The following HIVEP3 variants were observed in gnomAD, a reference collection of about 807,000 sequenced individuals.
HIVEP3 encodes the protein HIVEP zinc finger 3.
HIVEP3 carries 49 observed loss-of-function variants against 152.8 expected under a neutral mutation model. The ratio of observed to expected loss-of-function variants is 0.32; its 90% CI spans 0.26 to 0.41. HIVEP3 has a LOEUF of 0.41. Ranked by LOEUF, HIVEP3 falls within the 10% of genes least tolerant of loss-of-function variation. The pLI, the probability that HIVEP3 is intolerant of heterozygous loss-of-function variation, is 1.00. For synonymous variants in HIVEP3, 1,269 were observed against 1,289.0 expected, an observed-to-expected ratio of 0.98 and a Z score of 0.33; for missense variants, 2,790 against 3,103.3, an observed-to-expected ratio of 0.90 and a Z score of 2.40.
chr1:41,645,803 C>T (rs1424911518), intron 2 of HIVEP3, among the ~76,000 whole-genome samples: 1 of 152,196 alleles, frequency 6.6e-6, no homozygotes, highest in African/African-American at 2.4e-5. Context: ...TGAACCTGCC[C>T]TGCAACTGAA....
At chr1:41,896,601 G>A (rs1267030153) in intron 1 of HIVEP3, among the ~76,000 whole-genome samples, 2 of 148,600 alleles carry the variant, frequency 1.3e-5, no homozygotes, top group East Asian at 2.0e-4. Context: ...TTGAGACGGA[G>A]TGTCACTCTG....
At chr1:41,595,605 G>A (rs1042379550) in intron 3 of HIVEP3, among the ~76,000 whole-genome samples, 5 of 152,150 alleles carry the variant, frequency 3.3e-5, no homozygotes, top group South Asian at 2.1e-4. Flanking sequence ...GATTAATATC[G>A]AATGTCAACT....
At chr1:41,914,476 T>TTAGG (rs2124468204) in intron 1 of HIVEP3, among the ~76,000 whole-genome samples, 1 of 152,362 alleles carries the variant, frequency 6.6e-6, no homozygotes, top group South Asian at 2.1e-4. Context: ...TGACTTTTAG[T>TTAGG]TAGGTCCTCA....
intron 1 of HIVEP3, among the ~76,000 whole-genome samples, chr1:41,993,830 A>G (rs1645378554): frequency 1.3e-5 from 2 of 151,976 alleles, no homozygotes; most frequent in South Asian, 4.2e-4. Context: ...ATAAAAAATG[A>G]TGAGTTCATT....
chr1:41,950,409 G>A (rs1019330765), intron 1 of HIVEP3, among the ~76,000 whole-genome samples: 2 of 152,158 alleles, frequency 1.3e-5, no homozygotes, highest in Non-Finnish European at 2.9e-5. Context: ...TTCTTCCCTG[G>A]GAACACTTTG....
intron 1 of HIVEP3, among the ~76,000 whole-genome samples, chr1:41,888,716 C>A: frequency 8.0e-6 from 1 of 124,800 alleles, no homozygotes; most frequent in South Asian, 2.9e-4. Flanking sequence ...TCACACCCCC[C>A]ACACACATAC....
Position 42,031,424 on chromosome 1 carries a change from G to GT in HIVEP3, n.119+4382dup, listed in dbSNP as rs543740387. Among the ~76,000 whole-genome samples, 205 of 149,474 alleles carry GT rather than the reference G, an allele frequency of 1.4e-3. 1 individual carries two copies. The highest frequency in any genetic ancestry group is 3.5e-3 in the Middle Eastern group (1 of 288). ...TTAAACTCAATTTGCTCCTAGTAAG[G>GT]TTTTTTTTTTAATTGCCTACAGTGG... On this transcript the variant is annotated intron_variant and non_coding_transcript_variant, in intron 1 of 3. Coordinates refer to the HIVEP3 transcript ENST00000489103.
intron 2 of HIVEP3, among the ~76,000 whole-genome samples, chr1:41,653,483 T>C (rs766417381): frequency 1.3e-5 from 2 of 152,146 alleles, no homozygotes; most frequent in Non-Finnish European, 2.9e-5. Context: ...AACACATCTT[T>C]ACACCCCATG....
At chr1:41,816,269 G>T (rs1171429467) in intron 1 of HIVEP3, among the ~76,000 whole-genome samples, 1 of 152,172 alleles carries the variant, frequency 6.6e-6, no homozygotes, top group Admixed American at 6.5e-5. Context: ...TGGCACAATC[G>T]GGGTGGGTAC....
intron 5 of HIVEP3, among the ~76,000 whole-genome samples, chr1:41,552,299 G>T (rs924816107): frequency 1.2e-4 from 18 of 150,908 alleles, no homozygotes; most frequent in Non-Finnish European, 5.9e-5. Flanking sequence ...CATGTGCCAT[G>T]CTGGTGCGTT....
At chr1:41,565,601 A>G (rs1274607291) in intron 5 of HIVEP3, among the ~76,000 whole-genome samples, 2 of 152,094 alleles carry the variant, frequency 1.3e-5, no homozygotes, top group East Asian at 3.9e-4. Context: ...CTGTTCTCTA[A>G]GAAGCTGCTT....
rs557295666 is a variant in HIVEP3 at position 41,511,817 on chromosome 1, T to C, written c.6406-551A>G. Among the ~76,000 whole-genome samples, 88 of 150,870 alleles carry C rather than the reference T, an allele frequency of 5.8e-4. No homozygotes were observed. The highest frequency in any genetic ancestry group is 2.1e-3 in the African/African-American group (87 of 41,044). ...GGACAGAGAAGGTGTCGGAAGGGGGTCAGCTGACAATGATGGTGCTATCGG... is the reference window on the plus strand; with the variant it reads ...GGACAGAGAAGGTGTCGGAAGGGGGCCAGCTGACAATGATGGTGCTATCGG... On this transcript the variant is annotated intron_variant, in intron 8 of 8. Transcript: ENST00000372583. This position sits in a 1 kb window ranked among gnomAD's most constrained non-coding sequence, Gnocchi z 4.9.
At chr1:41,687,615 C>T (rs147289995) in intron 2 of HIVEP3, among the ~76,000 whole-genome samples, 4 of 152,334 alleles carry the variant, frequency 2.6e-5, no homozygotes, top group African/African-American at 4.8e-5. Context: ...CTGCAGCAAA[C>T]GCACACACTT....
At chr1:41,686,662 T>A (rs1355830297) in intron 2 of HIVEP3, among the ~76,000 whole-genome samples, 2 of 152,182 alleles carry the variant, frequency 1.3e-5, no homozygotes, top group African/African-American at 4.8e-5. Context: ...CAAGGAGTCC[T>A]GGTGAAGACA....
At chr1:41,966,192 C>T (rs1421225877) in intron 1 of HIVEP3, among the ~76,000 whole-genome samples, 1 of 152,114 alleles carries the variant, frequency 6.6e-6, no homozygotes, top group Non-Finnish European at 1.5e-5. Context: ...GGGAATTTGT[C>T]ACCAGCAGGC....
intron 2 of HIVEP3, among the ~76,000 whole-genome samples, chr1:41,671,434 C>T (rs895417621): frequency 4.6e-5 from 7 of 152,216 alleles, no homozygotes; most frequent in Non-Finnish European, 8.8e-5. Context: ...ATCCTGCTCT[C>T]GGGGGCAGGC....
intron 1 of HIVEP3, among the ~76,000 whole-genome samples, chr1:41,992,164 G>A: frequency 6.8e-6 from 1 of 146,798 alleles, no homozygotes. Context: ...TTAGGCAGGA[G>A]AAGGAAATAA....
intron 1 of HIVEP3, among the ~76,000 whole-genome samples, chr1:41,801,135 G>A (rs1338761612): frequency 6.6e-6 from 1 of 152,228 alleles, no homozygotes; most frequent in Non-Finnish European, 1.5e-5. Flanking sequence ...CAGAAAAGAA[G>A]AAGATGCAAG....
intron 1 of HIVEP3, among the ~76,000 whole-genome samples, chr1:42,034,878 A>T (rs1645632338): frequency 1.3e-5 from 2 of 152,182 alleles, no homozygotes; most frequent in African/African-American, 4.8e-5. Context: ...CGGCACAATC[A>T]GCGGGAGGCA....
Sources: allele counts gnomAD v4.1 joint callset (sites outside exome capture counted in the v4.1 genomes callset), GRCh38; gene constraint gnomAD v4.1.1; non-coding constraint Gnocchi (gnomAD v3.1); transcripts MANE v1.5; gene names NCBI Gene and HGNC (gene_info 2026-07-23, HGNC 2026-07-21).